Variants in LZTS1 observed in about 807,000 individuals in gnomAD.
LZTS1 encodes leucine zipper tumor suppressor 1.
Under a neutral mutation model 45.8 loss-of-function variants are expected in LZTS1, and 31 were observed. The observed-to-expected ratio is 0.68, with a 90% confidence interval of 0.51 to 0.91. LZTS1 has a LOEUF of 0.91. LZTS1 is among the 40% of genes least tolerant of loss of function. LZTS1 has a pLI of 0.00. For synonymous variants in LZTS1, 359 were observed against 357.3 expected (o/e 1.00, Z -0.05); for missense variants, 821 against 788.9 (o/e 1.04, Z -0.49).
At chr8:20,278,923 AC>A (rs2128896961) in intron 1 of LZTS1, among the ~76,000 whole-genome samples, 1 of 152,078 alleles carries the variant, frequency 6.6e-6, no homozygotes, top group South Asian at 2.1e-4. Context: ...TACATTCATG[AC>A]CCTTTATGCC....
At chr8:20,299,287 A>G (rs924383816) in intron 1 of LZTS1, among the ~76,000 whole-genome samples, 1 of 152,180 alleles carries the variant, frequency 6.6e-6, no homozygotes, top group African/African-American at 2.4e-5. Context: ...CTCAGGTTCA[A>G]CTTCAAGGTT....
chr8:20,249,476 C>G lies in LZTS1; in HGVS notation c.*246G>C. ...GCCCTTAACCAAAGCAGACAGACCC[C>G]TGGACCCATCTCCTGGGAAAGCCAG... On this transcript the variant is annotated 3_prime_UTR_variant, in exon 4 of 4. Transcript: ENST00000381569. 3.5e-6 allele frequency: 2 copies of G among 563,896 alleles called. No homozygotes were observed. Among genetic ancestry groups the G allele is most frequent in the East Asian group, 6.0e-5 (2 of 33,368 alleles). The allele number at this position is 563,896 out of a possible 1,614,324, so 34.9% of individuals were successfully genotyped here.
chr8:20,253,661 G>GCCGA, intron 2 of LZTS1, 76 bp from the exon 3 acceptor site: 2 of 1,233,220 alleles, frequency 1.6e-6, no homozygotes, highest in Non-Finnish European at 2.2e-6. Flanking sequence ...AGGCACGCGT[G>GCCGA]CCGACCTTGA....
intron 1 of LZTS1, among the ~76,000 whole-genome samples, chr8:20,277,436 TG>T (rs1244869953): frequency 6.6e-6 from 1 of 152,234 alleles, no homozygotes; most frequent in Admixed American, 6.5e-5. Context: ...GCTCTGCCTA[TG>T]GAGTAGCCAT....
intron 1 of LZTS1, among the ~76,000 whole-genome samples, chr8:20,278,985 G>A (rs1188352274): frequency 3.9e-5 from 6 of 152,162 alleles, no homozygotes; most frequent in African/African-American, 1.4e-4. Flanking sequence ...ACCTGTCAGT[G>A]CTTTCTCACC....
At chr8:20,272,148 A>T (rs1800486219) in intron 1 of LZTS1, among the ~76,000 whole-genome samples, 2 of 152,224 alleles carry the variant, frequency 1.3e-5, no homozygotes, top group Non-Finnish European at 2.9e-5. Flanking sequence ...GACAATGGAC[A>T]CATTTAACTT....
chr8:20,298,138 T>C (rs1330355462), intron 1 of LZTS1, among the ~76,000 whole-genome samples: 5 of 152,094 alleles, frequency 3.3e-5, no homozygotes, highest in African/African-American at 1.2e-4. Context: ...CTCCACTCAC[T>C]GCAACCTCCA....
At chr8:20,272,802 C>A (rs1439534142) in intron 1 of LZTS1, among the ~76,000 whole-genome samples, 2 of 152,220 alleles carry the variant, frequency 1.3e-5, no homozygotes, top group East Asian at 3.9e-4. Context: ...CTAATCCTTC[C>A]AGCCATGGCG....
rs1799978764 is a variant in LZTS1, at chr8:20,253,022, C to G, written c.909G>C (p.Arg303Ser). The change falls in exon 3 of 4, where the codon AGG (arginine) becomes AGC (serine). Residue 303 changes from arginine (R) to serine (S), a missense_variant. Coordinates refer to ENST00000381569, the MANE Select transcript of LZTS1 (RefSeq NM_021020.5). Reference sequence around the variant, plus strand: ...TGGGCTCCGGGCCCTCCAGCTCGTCCCTGCAGCGCCGCGGCCGCTCCTCGT... The same window carrying G: ...TGGGCTCCGGGCCCTCCAGCTCGTCGCTGCAGCGCCGCGGCCGCTCCTCGT... ...LAYEERPRRC[R>S]DELEGPEPKG... is the part of the protein sequence containing the mutation. The G allele has an allele frequency of 6.3e-7, 1 of 1,598,376 alleles. No individual in the cohort carries two copies. The highest frequency in any genetic ancestry group is 1.3e-5 in the African/African-American group (1 of 74,622).
chr8:20,296,043 T>G (rs985360486), intron 1 of LZTS1, among the ~76,000 whole-genome samples: 1 of 152,218 alleles, frequency 6.6e-6, no homozygotes, highest in African/African-American at 2.4e-5. Flanking sequence ...ACTCTCTGAA[T>G]GCTGCCAGCG....
At chr8:20,260,414 G>A (rs2128894144) in intron 1 of LZTS1, among the ~76,000 whole-genome samples, 1 of 152,290 alleles carries the variant, frequency 6.6e-6, no homozygotes, top group Middle Eastern at 3.4e-3. Flanking sequence ...AGACTCACAA[G>A]GTGGGATGCC....
In LZTS1 at chr8:20,276,171, T is replaced by C. The variant is rs542489870; in HGVS notation, c.-134-20856A>G. Among the ~76,000 whole-genome samples the C allele has an allele frequency of 1.3e-3, 192 of 152,280 alleles. 1 individual carries two copies. Among genetic ancestry groups the C allele is most frequent in the African/African-American group, 4.4e-3 (181 of 41,562 alleles). On this transcript the variant is annotated intron_variant, in intron 1 of 3. Transcript: ENST00000381569. Reference sequence around the variant, plus strand: ...CGCTGGTTTAATGAATGGATGACTATGATATTATAAAATATATATTTGGTC... The same window carrying C: ...CGCTGGTTTAATGAATGGATGACTACGATATTATAAAATATATATTTGGTC...
intron 1 of LZTS1, among the ~76,000 whole-genome samples, chr8:20,271,291 G>A (rs534494532): frequency 6.6e-6 from 1 of 152,268 alleles, no homozygotes; most frequent in Admixed American, 6.5e-5. Flanking sequence ...CCCAGGAGCC[G>A]CTGAGCCTGG....
intron 1 of LZTS1, among the ~76,000 whole-genome samples, chr8:20,297,227 A>G (rs1393150132): frequency 6.6e-6 from 1 of 152,228 alleles, no homozygotes; most frequent in East Asian, 1.9e-4. Context: ...TGGTATTCCA[A>G]TGAAATGTCA....
At chr8:20,273,809 C>T (rs1476623954) in intron 1 of LZTS1, among the ~76,000 whole-genome samples, 2 of 152,026 alleles carry the variant, frequency 1.3e-5, no homozygotes, top group African/African-American at 4.8e-5. Context: ...CCCAAGGCTA[C>T]CCTATTGCCC....
chr8:20,264,284 T>C (rs1800304602), intron 1 of LZTS1, among the ~76,000 whole-genome samples: 1 of 152,208 alleles, frequency 6.6e-6, no homozygotes, highest in African/African-American at 2.4e-5. Context: ...TCATTTCTTT[T>C]ACTATTCCCT....
At chr8:20,277,958 C>T (rs945259092) in intron 1 of LZTS1, among the ~76,000 whole-genome samples, 5 of 152,164 alleles carry the variant, frequency 3.3e-5, no homozygotes, top group African/African-American at 4.8e-5. Context: ...ACGTCTTGCT[C>T]ACCACTGTAT....
In LZTS1 at chr8:20,250,302, T is replaced by C; in HGVS notation, c.1211A>G (p.Glu404Gly). Residue 404 changes from glutamate to glycine, a missense_variant, in exon 4 of 4, where the codon GAG becomes GGG. Glu to Gly is a moderately conservative substitution (Grantham distance 98). Transcript: ENST00000381569. ...GATCTCGCTAGCCTTGGCGTTCACC[T>C]CCGTCTGGGACTCCTTCAGCTGCTG... ...LKQQLKESQT[E>G]VNAKASEILG... 1 of 1,613,586 alleles carries C rather than the reference T, an allele frequency of 6.2e-7. No individual in the cohort carries two copies.
intron 1 of LZTS1, among the ~76,000 whole-genome samples, chr8:20,295,194 C>T (rs1800961138): frequency 6.6e-6 from 1 of 152,202 alleles, no homozygotes; most frequent in Admixed American, 6.5e-5. Context: ...CTCCTGCCAG[C>T]CCCGGCACCA....
Sources: allele counts gnomAD v4.1 joint callset (sites outside exome capture counted in the v4.1 genomes callset), GRCh38; gene constraint gnomAD v4.1.1; transcripts MANE v1.5; gene names NCBI Gene and HGNC (gene_info 2026-07-23, HGNC 2026-07-21).